DNM2: variants seen among roughly 807,000 people sequenced by gnomAD.
The protein encoded by DNM2 is dynamin-2.
Under a neutral mutation model 99.0 loss-of-function variants are expected in DNM2, and 15 were observed. The observed-to-expected ratio is 0.15, with a 90% CI of 0.10 to 0.23. The LOEUF is 0.23. Among genes scored for constraint, DNM2 ranks in the 10% least tolerant of loss-of-function variants. The pLI is 1.00. For synonymous variants in DNM2, 525 were observed against 481.2 expected, an observed-to-expected ratio of 1.09 and a Z score of -1.19; for missense variants, 742 against 1,189.4, an observed-to-expected ratio of 0.62 and a Z score of 5.53.
In DNM2 at chr19:10,818,136, C is replaced by T. The variant is rs544138948; in HGVS notation, c.1672-1844C>T. Among the ~76,000 whole-genome samples, 15 of 152,188 alleles carry T rather than the reference C, an allele frequency of 9.9e-5. 1 individual carries two copies. The highest frequency in any genetic ancestry group is 2.6e-4 in the Admixed American group (4 of 15,296). The stretch of plus-strand genomic sequence containing the variant: ...TGTTACCCAGCCTTGCCTGGGATGA[C>T]GGGTGCAGGCTTTCTTCATCACCTT... On this transcript the variant is annotated intron_variant, in intron 15 of 20. Coordinates refer to ENST00000389253, the MANE Select transcript of DNM2 (RefSeq NM_001005361.3). The surrounding 1 kb of genome is among the most constrained non-coding windows in gnomAD (Gnocchi z 4.3).
intron 2 of DNM2, chr19:10,768,653 G>T (rs571182211): frequency 6.6e-6 from 1 of 152,368 alleles, no homozygotes; most frequent in South Asian, 2.1e-4. Context: ...TCCTGGGCCC[G>T]TTTCCTGGTC....
Position 10,793,687 on chromosome 19 carries a change from G to A in DNM2, c.993-33G>A, listed in dbSNP as rs200354263. On this transcript the variant is annotated intron_variant, in intron 7 of 20. Transcript: ENST00000389253. ...ATTCCAGAGTAGTGTGGAAACCTCC[G>A]TTTTGATGCTTGCTTTTTCCTTTTC... 5.6e-4 allele frequency: 896 copies of A among 1,614,148 alleles called. 6 individuals carry two copies. In the Middle Eastern group the frequency reaches 6.1e-3, roughly 11 times the overall value.
intron 19 of DNM2, 95 bp downstream of exon 19, chr19:10,829,363 C>A: frequency 6.8e-7 from 1 of 1,475,406 alleles, no homozygotes; most frequent in Non-Finnish European, 9.2e-7. Flanking sequence ...AAACAGGACA[C>A]AGCCCAAGGG....
intron 13 of DNM2, among the ~76,000 whole-genome samples, chr19:10,807,385 G>A (rs1003151935): frequency 5.9e-5 from 9 of 151,834 alleles, no homozygotes; most frequent in South Asian, 2.1e-4. Context: ...GATTACAGGC[G>A]CCCGCCAGCA....
chr19:10,739,750 G>T (rs949866345), intron 1 of DNM2, among the ~76,000 whole-genome samples: 10 of 151,454 alleles, frequency 6.6e-5, no homozygotes, highest in African/African-American at 9.7e-5. Flanking sequence ...CAGCTACTCT[G>T]GGTGGCTGAG....
chr19:10,750,912 A>C (rs910830528), intron 1 of DNM2, among the ~76,000 whole-genome samples: 5 of 151,926 alleles, frequency 3.3e-5, no homozygotes, highest in African/African-American at 1.2e-4. Flanking sequence ...AAAAAAAAAA[A>C]AGTTAATAAA....
intron 1 of DNM2, among the ~76,000 whole-genome samples, chr19:10,719,435 C>T (rs1480292094): frequency 6.6e-6 from 1 of 151,732 alleles, no homozygotes; most frequent in African/African-American, 2.4e-5. Flanking sequence ...GTGATCAGGC[C>T]TCAGTGGCTA....
At chr19:10,741,852 A>G (rs772717647) in intron 1 of DNM2, among the ~76,000 whole-genome samples, 9 of 151,740 alleles carry the variant, frequency 5.9e-5, no homozygotes, top group Non-Finnish European at 1.0e-4. Context: ...CGCCTGGCCA[A>G]TATTTCTTTT....
chr19:10,805,697 A>T (rs1472970152), intron 12 of DNM2, among the ~76,000 whole-genome samples: 2 of 152,120 alleles, frequency 1.3e-5, no homozygotes, highest in African/African-American at 4.8e-5. Context: ...GTCGGCTGAG[A>T]TGAGGGCCTA....
chr19:10,821,501 C>T lies in DNM2; in HGVS notation c.1781+1412C>T, dbSNP rs903245087. 8.5e-5 allele frequency among the ~76,000 whole-genome samples: 13 copies of T among 152,122 alleles called. No homozygotes were observed. The East Asian group carries it at 1.9e-3, about 23-fold the overall frequency. ...AGGATTCCACCTGATATGCAGAAGC[C>T]GAGCTCTGCGGTGGGACAGGCCTGC... On this transcript the variant is annotated intron_variant, in intron 16 of 20. Coordinates refer to ENST00000389253, the MANE Select transcript of DNM2 (RefSeq NM_001005361.3).
chr19:10,757,869 C>T (rs56114795), intron 1 of DNM2, among the ~76,000 whole-genome samples: 8,551 of 148,984 alleles, frequency 0.057, 422 homozygotes, highest in African/African-American at 0.13. Flanking sequence ...CGCTTGAACC[C>T]GAGGCAGAGG....
intron 1 of DNM2, among the ~76,000 whole-genome samples, chr19:10,736,195 G>A (rs1279067629): frequency 1.3e-5 from 2 of 151,578 alleles, no homozygotes; most frequent in Non-Finnish European, 2.9e-5. Context: ...AACACGGGAG[G>A]TGGAGGTTGC....
chr19:10,751,994 C>G (rs1233200441), intron 1 of DNM2, among the ~76,000 whole-genome samples: 1 of 152,240 alleles, frequency 6.6e-6, no homozygotes, highest in East Asian at 1.9e-4. Context: ...TACCCTCTCC[C>G]CATTGGCCGG....
chr19:10,776,154 A>G (rs1221758560), intron 4 of DNM2, among the ~76,000 whole-genome samples: 1 of 152,128 alleles, frequency 6.6e-6, no homozygotes, highest in Non-Finnish European at 1.5e-5. Context: ...GTGGGAAGCT[A>G]GCCTAGGGCT....
In DNM2 at chr19:10,718,364, G is replaced by A; in HGVS notation, c.122G>A (p.Ser41Asn). 6.6e-7 allele frequency: 1 copy of A among 1,521,956 alleles called. No homozygotes were observed. The highest frequency in any genetic ancestry group is 1.2e-5 in the South Asian group (1 of 80,016). The allele number at this position is 1,521,956 out of a possible 1,614,324, so 94.3% of individuals were successfully genotyped here. A position where few individuals can be genotyped will look rare whatever the true frequency, so the allele number is the denominator to read the frequency against. The change falls in exon 1 of 21, where the codon AGC (serine) becomes AAC (asparagine). Residue 41 changes from serine to asparagine, a missense_variant. Ser to Asn is a conservative substitution (Grantham distance 46). This residue lies in a region of DNM2 where 192 missense variants were observed against 358.9 expected (regional missense o/e 0.54). Transcript: ENST00000389253. ...LPQIAVVGGQSAGKSSVLENF... is the reference protein window; with the variant it reads ...LPQIAVVGGQNAGKSSVLENF... ...CAGATCGCTGTAGTGGGCGGCCAGA[G>A]CGCCGGCAAGAGCTCGGTGCTGGAG...
At chr19:10,733,267 C>T (rs1490849285) in intron 1 of DNM2, among the ~76,000 whole-genome samples, 2 of 146,916 alleles carry the variant, frequency 1.4e-5, no homozygotes, top group Non-Finnish European at 3.0e-5. Context: ...TGTCGGCTTA[C>T]TGCAACCTCC....
chr19:10,790,377 G>A (rs1325540192), intron 7 of DNM2, among the ~76,000 whole-genome samples: 1 of 152,164 alleles, frequency 6.6e-6, no homozygotes, highest in Admixed American at 6.5e-5. Context: ...TTCCTGCAGG[G>A]CAAAGACCCC....
At chr19:10,773,944 C>A (rs1383290246) in intron 3 of DNM2, among the ~76,000 whole-genome samples, 5 of 152,190 alleles carry the variant, frequency 3.3e-5, no homozygotes, top group Admixed American at 3.3e-4. Flanking sequence ...TGCATTCAAA[C>A]AGCAGCCCGG....
At chr19:10,736,264 CAAAAAAA>C (rs545329681) in intron 1 of DNM2, among the ~76,000 whole-genome samples, 2 of 91,490 alleles carry the variant, frequency 2.2e-5, no homozygotes, top group Non-Finnish European at 4.8e-5. Flanking sequence ...GACTCTGTCT[CAAAAAAA>C]AAAAAAAAGA....
Sources: gnomAD v4.1 joint callset for allele counts (sites outside exome capture counted in the v4.1 genomes callset) on GRCh38, gnomAD v4.1.1 for gene constraint, gnomAD v4.1.1 regional missense constraint, Gnocchi (gnomAD v3.1) non-coding constraint, MANE v1.5 for transcripts, NCBI Gene and HGNC (gene_info 2026-07-23, HGNC 2026-07-21) for gene names.